The following TUB variants were observed in gnomAD, a reference collection of about 807,000 sequenced individuals.
TUB encodes tubby protein homolog.
A neutral mutation model predicts 59.7 loss-of-function variants in TUB; 33 were observed. The observed-to-expected ratio is 0.55, with a 90% CI of 0.42 to 0.74. The LOEUF is 0.74. Among genes scored for constraint, TUB ranks in the 30% least tolerant of loss-of-function variants. The pLI, the probability that TUB is intolerant of heterozygous loss-of-function variation, is 0.00. For synonymous variants in TUB, 293 were observed against 256.4 expected (o/e 1.14, Z -1.36); for missense variants, 659 against 672.0 (o/e 0.98, Z 0.21).
intron 2 of TUB, among the ~76,000 whole-genome samples, chr11:8,053,436 T>C (rs1283812807): frequency 2.0e-5 from 3 of 152,190 alleles, no homozygotes; most frequent in South Asian, 4.1e-4. Context: ...TCTTTTTTTA[T>C]GTATTGCTGA....
At chr11:8,078,877 A>G (rs1164529742), upstream of TUB, among the ~76,000 whole-genome samples, 2 of 151,832 alleles carry the variant, frequency 1.3e-5, no homozygotes, top group African/African-American at 4.8e-5. Flanking sequence ...ACACACTCAT[A>G]TTCATGCGTA....
chr11:8,038,791 C>G (rs1246242314), exon 1 of TUB: 2 of 1,548,660 alleles, frequency 1.3e-6, no homozygotes, highest in Admixed American at 2.0e-5. Flanking sequence ...GAGGCGAATA[C>G]AGGGAATTTC....
intron 1 of TUB, among the ~76,000 whole-genome samples, chr11:8,020,019 G>T (rs1203483645): frequency 5.3e-5 from 8 of 152,244 alleles, no homozygotes; most frequent in African/African-American, 1.9e-4. Flanking sequence ...TCGTCCTGGA[G>T]GAAGGAGTCA....
intron 1 of TUB, among the ~76,000 whole-genome samples, chr11:8,024,909 C>T (rs1173271813): frequency 1.3e-5 from 2 of 152,354 alleles, no homozygotes; most frequent in African/African-American, 2.4e-5. Flanking sequence ...GTCAAAGTGA[C>T]CTGGCTTTGC....
chr11:8,066,323 A>G (rs931961333), intron 2 of TUB, among the ~76,000 whole-genome samples: 3 of 152,158 alleles, frequency 2.0e-5, no homozygotes, highest in African/African-American at 7.2e-5. Context: ...ATGGAGGTGA[A>G]GGGAATTGGA....
chr11:8,068,427 C>T (rs1248883883), intron 2 of TUB: 1 of 152,472 alleles, frequency 6.6e-6, no homozygotes, highest in East Asian at 1.9e-4. Context: ...CCCAGCACCA[C>T]CACACCCCTG....
rs957094557 is a variant in TUB at position 8,102,557 on chromosome 11, A to G, written c.*938A>G. 1 of 152,254 alleles carries G rather than the reference A, an allele frequency of 6.6e-6. No individual in the cohort carries two copies. The highest frequency in any genetic ancestry group is 2.4e-5 in the African/African-American group (1 of 41,444). The allele number at this position is 152,254 out of a possible 1,614,324, so 9.4% of individuals were successfully genotyped here. On this transcript the variant is annotated 3_prime_UTR_variant, in exon 12 of 12. Coordinates refer to ENST00000299506, the MANE Select transcript of TUB (RefSeq NM_177972.3). ...AGGCATGCCTGGGAATCCTGCTGCC[A>G]GAGAACCATTCCCAAGCCATGGCAT...
At chr11:8,057,659 T>A (rs1466926516) in intron 2 of TUB, among the ~76,000 whole-genome samples, 2 of 151,880 alleles carry the variant, frequency 1.3e-5, no homozygotes, top group African/African-American at 4.8e-5. Context: ...GTCACGGAGG[T>A]TTGGGGAGTT....
chr11:8,052,267 C>A (rs1312367359), intron 2 of TUB, among the ~76,000 whole-genome samples: 1 of 152,116 alleles, frequency 6.6e-6, no homozygotes, highest in Non-Finnish European at 1.5e-5. Context: ...TCACACCTGT[C>A]AATTTATTTG....
intron 2 of TUB, among the ~76,000 whole-genome samples, chr11:8,053,019 A>T (rs1207346422): frequency 6.6e-6 from 1 of 152,218 alleles, no homozygotes; most frequent in African/African-American, 2.4e-5. Context: ...CTTATAAAAC[A>T]ATGCTTAGTT....
At chr11:8,054,011 A>T (rs1015591758) in intron 2 of TUB, among the ~76,000 whole-genome samples, 2 of 151,652 alleles carry the variant, frequency 1.3e-5, no homozygotes, top group African/African-American at 4.8e-5. Flanking sequence ...GCTACTCGGG[A>T]GGCTGAGGCA....
intron 2 of TUB, among the ~76,000 whole-genome samples, chr11:8,043,609 G>C (rs1322640870): frequency 2.6e-5 from 4 of 152,158 alleles, no homozygotes; most frequent in Non-Finnish European, 5.9e-5. Flanking sequence ...TTTCAAAGAA[G>C]TTTATAGTTT....
At chr11:8,065,442 T>C (rs1943221462) in intron 2 of TUB, among the ~76,000 whole-genome samples, 1 of 152,218 alleles carries the variant, frequency 6.6e-6, no homozygotes, top group Admixed American at 6.5e-5. Flanking sequence ...TATACCTTAC[T>C]GTGTGACCTC....
chr11:8,089,959 T>C, intron 2 of TUB, 110 bp from the exon 3 acceptor site: 1 of 1,404,582 alleles, frequency 7.1e-7, no homozygotes, highest in Non-Finnish European at 9.5e-7. Context: ...AGTGTTGGGG[T>C]GCCAAGGACA....
chr11:8,065,668 G>A (rs1943225697), intron 2 of TUB, among the ~76,000 whole-genome samples: 1 of 152,228 alleles, frequency 6.6e-6, no homozygotes, highest in Admixed American at 6.5e-5. Context: ...TAGACGAGGT[G>A]GAGGGTAAAG....
At chr11:8,064,242 A>T (rs1456664792) in intron 2 of TUB, among the ~76,000 whole-genome samples, 2 of 152,204 alleles carry the variant, frequency 1.3e-5, no homozygotes, top group Non-Finnish European at 2.9e-5. Flanking sequence ...GGGGAGAAGG[A>T]GAACCCGTGG....
intron 2 of TUB, among the ~76,000 whole-genome samples, chr11:8,059,456 T>G (rs543778163): frequency 2.6e-5 from 4 of 152,056 alleles, no homozygotes; most frequent in Admixed American, 2.6e-4. Context: ...ATCCACAGAT[T>G]TGTGTTAAAA....
rs117618561 is a variant in TUB at position 8,092,271 on chromosome 11, A to T, written c.254-1775A>T. Among the ~76,000 whole-genome samples, 33 of 152,272 alleles carry T rather than the reference A, an allele frequency of 2.2e-4. 2 individuals carry two copies. The East Asian group carries it at 6.4e-3, about 29-fold the overall frequency. On this transcript the variant is annotated intron_variant, in intron 3 of 11. Transcript: ENST00000299506. ...AGCCTGGGTAACATAGTGAGACCCC[A>T]TCTTTAAAAAAAGTGAGCAGGGTGT...
At chr11:8,098,625 A>G in intron 8 of TUB, 133 bp from the exon 9 acceptor site, 1 of 662,888 alleles carries the variant, frequency 1.5e-6, no homozygotes, top group Non-Finnish European at 2.7e-6. Flanking sequence ...TTCAGTGAGC[A>G]GTATGCCTCC....
Sources: allele counts gnomAD v4.1 joint callset (sites outside exome capture counted in the v4.1 genomes callset), GRCh38; gene constraint gnomAD v4.1.1; transcripts MANE v1.5; gene names NCBI Gene and HGNC (gene_info 2026-07-23, HGNC 2026-07-21).